FILIP1: variants seen among roughly 807,000 people sequenced by gnomAD.
The protein encoded by FILIP1 is filamin-A-interacting protein 1.
In FILIP1, 61 loss-of-function variants were observed where a neutral mutation model predicts 102.1. The observed-to-expected ratio is 0.60, with a 90% CI of 0.49 to 0.74. The LOEUF (loss-of-function observed/expected upper bound fraction) is 0.74, where lower values mean the gene tolerates loss of function less well. Among genes scored for constraint, FILIP1 ranks in the 30% least tolerant of loss-of-function variants. FILIP1 has a pLI of 0.00. For missense variants in FILIP1, 1,314 were observed against 1,441.2 expected, an observed-to-expected ratio of 0.91 and a Z score of 1.43; for synonymous variants, 491 against 526.9, an observed-to-expected ratio of 0.93 and a Z score of 0.93.
intron 4 of FILIP1, among the ~76,000 whole-genome samples, chr6:75,323,973 A>C (rs561725726): frequency 6.4e-4 from 97 of 152,288 alleles, no homozygotes; most frequent in African/African-American, 2.1e-3. Flanking sequence ...CACCATGATT[A>C]TAAGTTTCCT....
intron 2 of FILIP1, among the ~76,000 whole-genome samples, chr6:75,390,120 A>G (rs187976985): frequency 1.0e-3 from 158 of 152,288 alleles, no homozygotes; most frequent in African/African-American, 3.6e-3. Flanking sequence ...CTACTTCTCT[A>G]AAGGAACACT....
At chr6:75,302,945 A>G (rs1380339450) in intron 6 of FILIP1, among the ~76,000 whole-genome samples, 1 of 152,152 alleles carries the variant, frequency 6.6e-6, no homozygotes, top group East Asian at 1.9e-4. Context: ...AGATTACAAG[A>G]CCAATTAGGA....
At chr6:75,323,997 G>T (rs560135765) in intron 4 of FILIP1, among the ~76,000 whole-genome samples, 5 of 152,214 alleles carry the variant, frequency 3.3e-5, no homozygotes, top group African/African-American at 9.6e-5. Context: ...GCCTCCCCAG[G>T]CCTGCAGAAC....
intron 1 of FILIP1, among the ~76,000 whole-genome samples, chr6:75,438,516 G>A (rs1778099074): frequency 6.6e-6 from 1 of 152,082 alleles, no homozygotes; most frequent in South Asian, 2.1e-4. Flanking sequence ...AATCCCACAA[G>A]ATCATAAACT....
At chr6:75,449,760 A>T (rs976746665) in intron 1 of FILIP1, among the ~76,000 whole-genome samples, 1 of 152,164 alleles carries the variant, frequency 6.6e-6, no homozygotes, top group Non-Finnish European at 1.5e-5. Context: ...CTCCCAGCTT[A>T]ACTATCTTAA....
intron 2 of FILIP1, among the ~76,000 whole-genome samples, chr6:75,382,345 T>C (rs1775931385): frequency 2.0e-5 from 3 of 152,206 alleles, no homozygotes; most frequent in Admixed American, 2.0e-4. Context: ...AGATAAAATA[T>C]GCACTCACGG....
intron 5 of FILIP1, among the ~76,000 whole-genome samples, chr6:75,309,152 A>C (rs538117679): frequency 6.6e-6 from 1 of 152,138 alleles, no homozygotes; most frequent in East Asian, 1.9e-4. Context: ...CTCTGCCCTT[A>C]CTGAAGATGG....
chr6:75,400,885 A>G (rs1776633085), intron 2 of FILIP1, among the ~76,000 whole-genome samples: 1 of 152,146 alleles, frequency 6.6e-6, no homozygotes, highest in African/African-American at 2.4e-5. Context: ...AGAAGTTGAG[A>G]AGATCTCAAT....
intron 1 of FILIP1, among the ~76,000 whole-genome samples, chr6:75,441,629 T>TC (rs1562603886): frequency 1.5e-5 from 2 of 135,228 alleles, no homozygotes; most frequent in East Asian, 4.6e-4. Flanking sequence ...CCGACCTCCC[T>TC]CCCGGACGGG....
At chr6:75,297,072 A>G (rs1772702422) in intron 6 of FILIP1, 1 of 152,132 alleles carries the variant, frequency 6.6e-6, no homozygotes, top group African/African-American at 2.4e-5. Flanking sequence ...TCAAACTTCA[A>G]ATAGTTTCTT....
At chr6:75,444,400 T>C (rs1003093862) in intron 1 of FILIP1, among the ~76,000 whole-genome samples, 2 of 152,220 alleles carry the variant, frequency 1.3e-5, no homozygotes, top group Non-Finnish European at 2.9e-5. Flanking sequence ...ATAACCAATT[T>C]AACAGAGAGT....
chr6:75,441,964 G>A (rs1332273423), intron 1 of FILIP1, among the ~76,000 whole-genome samples: 64 of 151,906 alleles, frequency 4.2e-4, no homozygotes, highest in African/African-American at 1.5e-3. Context: ...GGACGGGGTG[G>A]CTGCGGGGCG....
chr6:75,327,034 G>A (rs187627791), intron 4 of FILIP1, among the ~76,000 whole-genome samples: 141 of 152,038 alleles, frequency 9.3e-4, no homozygotes, highest in Middle Eastern at 3.4e-3. Context: ...ATTCAGTAGC[G>A]TGGACATTGT....
At chr6:75,366,619 C>T (rs929464663) in intron 2 of FILIP1, among the ~76,000 whole-genome samples, 8 of 152,084 alleles carry the variant, frequency 5.3e-5, no homozygotes, top group African/African-American at 9.7e-5. Context: ...ATATATAAGA[C>T]GCCTAACATA....
At chr6:75,365,166 A>G (rs1476273613) in intron 2 of FILIP1, among the ~76,000 whole-genome samples, 1 of 152,100 alleles carries the variant, frequency 6.6e-6, no homozygotes, top group African/African-American at 2.4e-5. Flanking sequence ...AGTCTTATAG[A>G]GCAGACATAG....
chr6:75,294,932 T>G (rs950606457), exon 7 of FILIP1: 1 of 147,262 alleles, frequency 6.8e-6, no homozygotes, highest in Non-Finnish European at 1.5e-5. Flanking sequence ...CCTGAACTCC[T>G]GGGCTTAAGC....
At chr6:75,451,387 A>C (rs183422720) in intron 1 of FILIP1, among the ~76,000 whole-genome samples, 56 of 151,678 alleles carry the variant, frequency 3.7e-4, no homozygotes, top group African/African-American at 1.3e-3. Context: ...ATAGAAAAAT[A>C]GGCAAAAGGT....
At chr6:75,337,220 TC>T (rs1233476974) in intron 4 of FILIP1, among the ~76,000 whole-genome samples, 2 of 152,108 alleles carry the variant, frequency 1.3e-5, no homozygotes, top group Non-Finnish European at 2.9e-5. Flanking sequence ...CCAGGTCGAG[TC>T]CTAAGTCCAC....
intron 4 of FILIP1, among the ~76,000 whole-genome samples, chr6:75,333,433 C>G (rs942645824): frequency 6.6e-6 from 1 of 152,062 alleles, no homozygotes; most frequent in Non-Finnish European, 1.5e-5. Flanking sequence ...TGTGAGCATC[C>G]TTCTGTGGTG....
Sources: allele counts gnomAD v4.1 joint callset (sites outside exome capture counted in the v4.1 genomes callset), GRCh38; gene constraint gnomAD v4.1.1; transcripts MANE v1.5; gene names NCBI Gene and HGNC (gene_info 2026-07-23, HGNC 2026-07-21).